NOVA1: variants seen among roughly 807,000 people sequenced by gnomAD.
NOVA1 encodes the protein RNA-binding protein Nova-1.
Under a neutral mutation model 38.0 loss-of-function variants are expected in NOVA1, and 7 were observed. That is an observed-to-expected ratio of 0.18 (90% CI 0.10 to 0.35). The LOEUF is 0.35. NOVA1 is among the 10% of genes least tolerant of loss of function. The pLI is 1.00. For synonymous variants in NOVA1, 270 were observed against 232.5 expected (o/e 1.16, Z -1.47); for missense variants, 460 against 616.0 (o/e 0.75, Z 2.68).
chr14:26,500,579 G>C (rs1290736052), intron 2 of NOVA1, among the ~76,000 whole-genome samples: 2 of 151,782 alleles, frequency 1.3e-5, no homozygotes, highest in Non-Finnish European at 2.9e-5. Context: ...TGAGTAAAAA[G>C]TTCAAGGGGA....
At chr14:26,484,428 GAA>G (rs869087238) in intron 2 of NOVA1, among the ~76,000 whole-genome samples, 761 of 56,446 alleles carry the variant, frequency 0.013, 8 homozygotes, top group African/African-American at 0.027. Context: ...ACTCCGTCTC[GAA>G]AAAAAAAAAA....
intron 4 of NOVA1, among the ~76,000 whole-genome samples, chr14:26,457,855 G>T (rs1883309580): frequency 6.6e-6 from 1 of 152,104 alleles, no homozygotes; most frequent in Non-Finnish European, 1.5e-5. Flanking sequence ...TGTGGACAGG[G>T]AAGACAGTGG....
At chr14:26,575,771 T>C (rs1011261431) in intron 2 of NOVA1, among the ~76,000 whole-genome samples, 1 of 151,990 alleles carries the variant, frequency 6.6e-6, no homozygotes, top group Admixed American at 6.6e-5. Context: ...AAAATTGTTA[T>C]TATATAATTA....
intron 4 of NOVA1, chr14:26,469,996 G>C (rs533512580): frequency 5.7e-6 from 1 of 176,524 alleles, no homozygotes; most frequent in Admixed American, 6.2e-5. Flanking sequence ...CTACGGAAAC[G>C]TGTTAAGGGG....
chr14:26,556,871 G>A (rs1891516661), intron 2 of NOVA1, among the ~76,000 whole-genome samples: 1 of 152,196 alleles, frequency 6.6e-6, no homozygotes, highest in African/African-American at 2.4e-5. Flanking sequence ...ACGAAAAGAT[G>A]CTCAATATCT....
At chr14:26,524,748 T>C (rs1030130944) in intron 2 of NOVA1, among the ~76,000 whole-genome samples, 1 of 152,158 alleles carries the variant, frequency 6.6e-6, no homozygotes, top group Non-Finnish European at 1.5e-5. Flanking sequence ...TGGTTTTCCA[T>C]ATATGGTAGA....
chr14:26,487,178 T>C (rs1885984981), intron 2 of NOVA1, among the ~76,000 whole-genome samples: 1 of 152,162 alleles, frequency 6.6e-6, no homozygotes, highest in South Asian at 2.1e-4. Context: ...AATGTAGTAG[T>C]ACATTCTTTC....
intron 2 of NOVA1, among the ~76,000 whole-genome samples, chr14:26,552,853 ACT>A (rs1436714283): frequency 2.6e-5 from 4 of 152,162 alleles, no homozygotes; most frequent in East Asian, 1.9e-4. Context: ...GAATGAAGTG[ACT>A]CTACTCTCTG....
chr14:26,564,930 T>C (rs1007457525), intron 2 of NOVA1, among the ~76,000 whole-genome samples: 2 of 152,162 alleles, frequency 1.3e-5, no homozygotes, highest in Non-Finnish European at 2.9e-5. Context: ...GTATCACACA[T>C]ATACCTAACT....
At chr14:26,554,183 AGAAG>A (rs1286229083) in intron 2 of NOVA1, among the ~76,000 whole-genome samples, 14 of 136,522 alleles carry the variant, frequency 1.0e-4, no homozygotes, top group African/African-American at 1.3e-4. Context: ...AGAAAAAGAA[AGAAG>A]GAAGGAAGGG....
chr14:26,595,606 T>A, intron 1 of NOVA1, 53 bp from the exon 2 acceptor site: 2 of 1,533,598 alleles, frequency 1.3e-6, no homozygotes, highest in Non-Finnish European at 8.9e-7. Flanking sequence ...AAACTTTGTA[T>A]CCCCTCTCCA....
intron 2 of NOVA1, among the ~76,000 whole-genome samples, chr14:26,488,049 G>C (rs999974493): frequency 6.6e-6 from 1 of 151,944 alleles, no homozygotes; most frequent in African/African-American, 2.4e-5. Context: ...TCAAGAAAAG[G>C]TCTTTTAAAA....
At chr14:26,505,632 T>C (rs1018277391) in intron 2 of NOVA1, among the ~76,000 whole-genome samples, 30 of 152,174 alleles carry the variant, frequency 2.0e-4, no homozygotes, top group Non-Finnish European at 2.2e-4. Context: ...TCCCATTTTA[T>C]TAAAATAATA....
At chr14:26,574,800 G>C (rs1892731511) in intron 2 of NOVA1, among the ~76,000 whole-genome samples, 1 of 151,882 alleles carries the variant, frequency 6.6e-6, no homozygotes, top group African/African-American at 2.4e-5. Context: ...AGGAATACAG[G>C]CTCACACCAC....
intron 2 of NOVA1, among the ~76,000 whole-genome samples, chr14:26,572,725 A>AGTGTGTGTGTGT (rs56021646): frequency 0.04 from 5,592 of 138,446 alleles, 170 homozygotes; most frequent in Middle Eastern, 0.056. Context: ...AAGGAACCGC[A>AGTGTGTGTGTGT]GTGTGTGTGT....
chr14:26,447,534 C>G lies in NOVA1; in HGVS notation c.*425G>C, dbSNP rs936491284. The G allele has an allele frequency of 6.5e-5, 11 of 168,894 alleles. No individual in the cohort carries two copies. Among genetic ancestry groups the G allele is most frequent in the African/African-American group, 9.6e-5 (4 of 41,816 alleles). 10.5% of individuals were successfully genotyped at this position (168,894 alleles called of 1,614,324 possible). ...TGCCCTAAGCAGGAAGTAAGACTTA[C>G]AGGACAGTGCTTTGGCCTCACTCCA... On this transcript the variant is annotated 3_prime_UTR_variant, in exon 5 of 5. Transcript: ENST00000539517.
intron 2 of NOVA1, among the ~76,000 whole-genome samples, chr14:26,527,715 T>C (rs1181870673): frequency 1.3e-5 from 2 of 152,136 alleles, no homozygotes; most frequent in African/African-American, 4.8e-5. Flanking sequence ...AGGTTGTCCA[T>C]TGTCATCTCT....
At chr14:26,523,429 T>C (rs915632163) in intron 2 of NOVA1, among the ~76,000 whole-genome samples, 22 of 152,220 alleles carry the variant, frequency 1.4e-4, no homozygotes, top group Non-Finnish European at 5.9e-5. Context: ...GCTCACATTC[T>C]CTTCTCTTCT....
At chr14:26,595,798 T>C (rs1383789179) in intron 1 of NOVA1, 8 of 395,126 alleles carry the variant, frequency 2.0e-5, no homozygotes, top group African/African-American at 1.2e-4. Context: ...ACATATTCTA[T>C]TATTTTGCAG....
Sources: allele counts gnomAD v4.1 joint callset (sites outside exome capture counted in the v4.1 genomes callset), GRCh38; gene constraint gnomAD v4.1.1; transcripts MANE v1.5; gene names NCBI Gene and HGNC (gene_info 2026-07-23, HGNC 2026-07-21).